Variants in CCDC57 observed in about 807,000 individuals in gnomAD.
CCDC57 encodes the protein coiled-coil domain containing 57.
CCDC57 carries 118 observed loss-of-function variants against 118.9 expected under a neutral mutation model. The ratio of observed to expected loss-of-function variants is 0.99; its 90% CI spans 0.86 to 1.16. CCDC57 has a LOEUF of 1.16. CCDC57 is among the 50% of genes most tolerant of loss of function. CCDC57 has a pLI of 0.00. For missense variants in CCDC57, 1,300 were observed against 1,320.7 expected (o/e 0.98, Z 0.24); for synonymous variants, 527 against 532.9 (o/e 0.99, Z 0.15).
At chr17:82,142,415 C>T (rs566953039) in intron 16 of CCDC57, among the ~76,000 whole-genome samples, 5 of 152,100 alleles carry the variant, frequency 3.3e-5, no homozygotes, top group African/African-American at 7.2e-5. Flanking sequence ...CAGGATCAAG[C>T]GATTCTTCTG....
intron 2 of CCDC57, among the ~76,000 whole-genome samples, chr17:82,207,344 A>T (rs2049787932): frequency 6.6e-6 from 1 of 152,104 alleles, no homozygotes; most frequent in African/African-American, 2.4e-5. Context: ...AAAATAAAAA[A>T]AAAAAAACAA....
chr17:82,129,286 G>C (rs1034674065), intron 17 of CCDC57, among the ~76,000 whole-genome samples: 3 of 152,116 alleles, frequency 2.0e-5, no homozygotes, highest in Non-Finnish European at 4.4e-5. Flanking sequence ...CCCCCCTTCT[G>C]GAGGGAAGAC....
At chr17:82,173,779 C>G (rs1052434026) in intron 11 of CCDC57, among the ~76,000 whole-genome samples, 8 of 152,048 alleles carry the variant, frequency 5.3e-5, no homozygotes, top group African/African-American at 1.9e-4. Context: ...ATGACAGACC[C>G]CGCAAGGAGC....
At chr17:82,104,158 G>A (rs2034672777) in intron 19 of CCDC57, among the ~76,000 whole-genome samples, 2 of 152,218 alleles carry the variant, frequency 1.3e-5, no homozygotes, top group Non-Finnish European at 2.9e-5. Flanking sequence ...AACGCTCTTG[G>A]CCTCCACCAC....
At chr17:82,204,737 C>T (rs931596550) in intron 2 of CCDC57, among the ~76,000 whole-genome samples, 5 of 152,050 alleles carry the variant, frequency 3.3e-5, no homozygotes, top group African/African-American at 7.2e-5. Context: ...GAGCTGAGAT[C>T]GCACCACTGC....
At chr17:82,206,410 A>T (rs1202125137) in intron 2 of CCDC57, among the ~76,000 whole-genome samples, 1 of 151,872 alleles carries the variant, frequency 6.6e-6, no homozygotes, top group Non-Finnish European at 1.5e-5. Flanking sequence ...CCAGGTCTCC[A>T]CTCTCACCTG....
intron 16 of CCDC57, 74 bp downstream of exon 15, chr17:82,151,486 C>CGCACACCCAGAACCAGGT: frequency 7.2e-7 from 1 of 1,395,656 alleles, no homozygotes; most frequent in Non-Finnish European, 9.8e-7. Context: ...CAGAACCTGG[C>CGCACACCCAGAACCAGGT]GCACACCCAG....
chr17:82,191,266 T>G (rs553510003), intron 7 of CCDC57, among the ~76,000 whole-genome samples: 6 of 151,852 alleles, frequency 4.0e-5, no homozygotes, highest in African/African-American at 1.5e-4. Context: ...CGCCAGATGA[T>G]GAGGAAACAG....
chr17:82,184,022 C>CGT (rs1555746219), intron 8 of CCDC57, 90 bp from the exon 8 acceptor site: 35 of 408,318 alleles, frequency 8.6e-5, no homozygotes, highest in Middle Eastern at 3.8e-4. Flanking sequence ...CACATGCGCG[C>CGT]GCGCGCGCGC....
intron 15 of CCDC57, chr17:82,152,111 T>C (rs1165538263): frequency 6.4e-6 from 2 of 311,916 alleles, no homozygotes; most frequent in Non-Finnish European, 1.2e-5. Context: ...ACAAGGAGAA[T>C]CTGAGGACAC....
At chr17:82,204,276 C>T (rs1272337190) in intron 2 of CCDC57, among the ~76,000 whole-genome samples, 4 of 152,154 alleles carry the variant, frequency 2.6e-5, no homozygotes, top group African/African-American at 7.2e-5. Context: ...GGGTCCCTAC[C>T]GACCATCTCA....
chr17:82,151,416 CACCCCCAGA>C, intron 16 of CCDC57, 135 bp downstream of exon 15: 1 of 348,518 alleles, frequency 2.9e-6, no homozygotes, highest in Non-Finnish European at 3.8e-6. Flanking sequence ...GAACCTGGCG[CACCCCCAGA>C]ATCTGACCCA....
intron 8 of CCDC57, among the ~76,000 whole-genome samples, chr17:82,186,177 C>A (rs951574069): frequency 6.6e-6 from 1 of 152,024 alleles, no homozygotes; most frequent in African/African-American, 2.4e-5. Context: ...TAGCTGAACT[C>A]CCCAGAAGTA....
intron 19 of CCDC57, among the ~76,000 whole-genome samples, chr17:82,109,716 G>A (rs896417459): frequency 6.6e-6 from 1 of 151,828 alleles, no homozygotes; most frequent in African/African-American, 2.4e-5. Context: ...AATTAGCCGG[G>A]CGTGGTGGCG....
Position 82,140,511 on chromosome 17 carries a change from G to A in CCDC57, c.2456-6317C>T, listed in dbSNP as rs553361612. Among the ~76,000 whole-genome samples, 4 of 152,278 alleles carry A rather than the reference G, an allele frequency of 2.6e-5. No homozygotes were observed. The South Asian group carries it at 8.3e-4, about 32-fold the overall frequency. ...GCCGGGATTACAGGTGTGAGCCACC[G>A]TGCCCGGCCAGGGATATCTTACTCT... On this transcript the variant is annotated intron_variant, in intron 16 of 19. Coordinates refer to ENST00000665763, the Ensembl canonical transcript of CCDC57.
chr17:82,180,352 G>A (rs79146164), intron 9 of CCDC57, among the ~76,000 whole-genome samples: 30 of 152,362 alleles, frequency 2.0e-4, no homozygotes, highest in African/African-American at 6.7e-4. Context: ...ACCCTGAGCC[G>A]GGAATGGCTG....
chr17:82,172,277 A>G lies in CCDC57; in HGVS notation c.1729+361T>C, dbSNP rs2044844242. On this transcript the variant is annotated intron_variant, in intron 12 of 19. Transcript: ENST00000665763. This position sits in a 1 kb window ranked among gnomAD's most constrained non-coding sequence, Gnocchi z 5.2. ...GAGGCCCTCATCAGCTCTGCCACAG[A>G]CGCTCCTCTGGAGGAAAGGACTGAG... Among the ~76,000 whole-genome samples, 1 of 152,156 alleles carries G rather than the reference A, an allele frequency of 6.6e-6. No homozygotes were observed. The highest frequency in any genetic ancestry group is 1.9e-4 in the East Asian group (1 of 5,194).
intron 9 of CCDC57, 85 bp from the exon 9 acceptor site, chr17:82,179,274 G>C (rs1599199463): frequency 1.4e-6 from 2 of 1,464,126 alleles, no homozygotes. Flanking sequence ...GAAAGGCAGG[G>C]CTGCCGCTGT....
In CCDC57 at chr17:82,107,526, G is replaced by A. The variant is rs1568133606; in HGVS notation, c.2900-5660C>T. 9 of 470,888 alleles carry A rather than the reference G, an allele frequency of 1.9e-5. No individual in the cohort carries two copies. The Admixed American group carries it at 2.1e-4, about 11-fold the overall frequency. 29.2% of individuals were successfully genotyped at this position (470,888 alleles called of 1,614,324 possible). On this transcript the variant is annotated intron_variant, in intron 19 of 19. Coordinates refer to ENST00000665763, the Ensembl canonical transcript of CCDC57. The stretch of plus-strand genomic sequence containing the variant: ...GACCCCCGCCAGAAAGGAGGAAGAG[G>A]CCCCCAGGTAGGTGCGTGCTTCTGG...
Sources: allele counts gnomAD v4.1 joint callset (sites outside exome capture counted in the v4.1 genomes callset), GRCh38; gene constraint gnomAD v4.1.1; non-coding constraint Gnocchi (gnomAD v3.1); transcripts MANE v1.5; gene names NCBI Gene and HGNC (gene_info 2026-07-23, HGNC 2026-07-21).